KMT2C: variants seen among roughly 807,000 people sequenced by gnomAD.
KMT2C encodes histone-lysine N-methyltransferase 2C.
A neutral mutation model predicts 507.9 loss-of-function variants in KMT2C; 88 were observed. The observed-to-expected ratio is 0.17, with a 90% CI of 0.15 to 0.21. KMT2C has a LOEUF of 0.21. KMT2C is among the 10% of genes least tolerant of loss of function. The pLI, the probability that KMT2C is intolerant of heterozygous loss-of-function variation, is 1.00. For synonymous variants in KMT2C, 2,049 were observed against 2,080.8 expected, an observed-to-expected ratio of 0.98 and a Z score of 0.42; for missense variants, 4,954 against 5,957.8, an observed-to-expected ratio of 0.83 and a Z score of 5.55.
intron 6 of KMT2C, among the ~76,000 whole-genome samples, chr7:152,291,220 G>A (rs1359142258): frequency 1.3e-5 from 2 of 152,134 alleles, no homozygotes; most frequent in African/African-American, 2.4e-5. Context: ...GCAAAAAACT[G>A]CAATAAAACT....
At chr7:152,391,543 C>CTTTTTT (rs71198782) in intron 1 of KMT2C, among the ~76,000 whole-genome samples, 187 of 97,004 alleles carry the variant, frequency 1.9e-3, no homozygotes, top group Middle Eastern at 7.2e-3. Context: ...CATGCCCGGC[C>CTTTTTT]TTTTTTTTTT....
chr7:152,188,279 G>C (rs897299541), intron 31 of KMT2C, among the ~76,000 whole-genome samples: 4 of 152,008 alleles, frequency 2.6e-5, no homozygotes, highest in African/African-American at 9.7e-5. Flanking sequence ...ACTAGAAATA[G>C]CAAGTGTTCT....
At chr7:152,254,383 G>A (rs181715442) in intron 9 of KMT2C, among the ~76,000 whole-genome samples, 6 of 152,196 alleles carry the variant, frequency 3.9e-5, no homozygotes, top group Admixed American at 6.5e-5. Flanking sequence ...TAATAACTAT[G>A]CCCAGGTGGA....
At position 152,156,217 on chromosome 7, in the gene KMT2C, C is replaced by T. The variant is rs763201432; in HGVS notation, c.11800G>A (p.Val3934Met). 1.2e-6 allele frequency: 2 copies of T among 1,614,052 alleles called. No individual in the cohort carries two copies. ...EELAGKAGVL[V>M]SHEVTKTLGP... ...GCTATAATCATACCTTCATGGCTCA[C>T]TAACACTCCGGCTTTTCCAGCAAGT... The change falls in exon 45 of 59, where the codon GTG becomes ATG. Residue 3934 changes from valine (V) to methionine (M), a missense_variant. Physicochemically the swap from Val to Met is conservative, Grantham distance 21. Transcript: ENST00000262189.
chr7:152,169,083 G>A, intron 41 of KMT2C, 103 bp downstream of exon 41: 2 of 693,052 alleles, frequency 2.9e-6, no homozygotes, highest in Admixed American at 4.4e-5. Flanking sequence ...GGGCACCTGG[G>A]CTTGAACTGG....
chr7:152,352,425 C>T (rs781345919), intron 2 of KMT2C, among the ~76,000 whole-genome samples: 13 of 152,122 alleles, frequency 8.5e-5, no homozygotes, highest in Admixed American at 7.9e-4. Context: ...TTGTGAAGCA[C>T]GTGATCTCTG....
Position 152,163,241 on chromosome 7 carries a change from T to A in KMT2C, c.10336A>T (p.Thr3446Ser), listed in dbSNP as rs902827242. 1.9e-6 allele frequency: 3 copies of A among 1,614,132 alleles called. No homozygotes were observed. Among genetic ancestry groups the A allele is most frequent in the Middle Eastern group, 3.3e-4 (2 of 6,062 alleles). ...MVGSEISSSRTSVSQIPFYSS... is the reference protein window; with the variant it reads ...MVGSEISSSRSSVSQIPFYSS... ...TAGAAGGGAATCTGGGACACAGATG[T>A]CCTACTACTACTTATCTCAGAGCCC... is the stretch of plus-strand genomic sequence containing the variant. Residue 3446 changes from threonine (T) to serine (S), a missense_variant, in exon 43 of 59, where the codon ACA becomes TCA. By Grantham distance (58) the Thr-to-Ser change is moderately conservative (BLOSUM62 1). This residue lies in a region of KMT2C where 801 missense variants were observed against 751.2 expected (regional missense o/e 1.07). Coordinates refer to ENST00000262189, the MANE Select transcript of KMT2C (RefSeq NM_170606.3).
intron 6 of KMT2C, among the ~76,000 whole-genome samples, chr7:152,290,696 C>T (rs79559641): frequency 6.6e-6 from 1 of 151,620 alleles, no homozygotes; most frequent in East Asian, 1.9e-4. Context: ...GAAAAACTTG[C>T]GAAACTACCA....
At chr7:152,187,001 T>C (rs2093646926) in intron 33 of KMT2C, among the ~76,000 whole-genome samples, 2 of 152,230 alleles carry the variant, frequency 1.3e-5, no homozygotes, top group Non-Finnish European at 2.9e-5. Flanking sequence ...CACGGATTTC[T>C]GCATATTAAT....
At chr7:152,318,641 A>T (rs1482243505) in intron 3 of KMT2C, among the ~76,000 whole-genome samples, 2 of 151,346 alleles carry the variant, frequency 1.3e-5, no homozygotes, top group Non-Finnish European at 2.9e-5. Flanking sequence ...AAAAAAAAAA[A>T]AAAAAAATAG....
At chr7:152,320,916 A>T (rs1166326627) in intron 3 of KMT2C, among the ~76,000 whole-genome samples, 1 of 152,054 alleles carries the variant, frequency 6.6e-6, no homozygotes, top group Admixed American at 6.5e-5. Flanking sequence ...CAGTAAAACT[A>T]AAAATGTATA....
In KMT2C at chr7:152,412,256, C is replaced by G. The variant is rs1029483262; in HGVS notation, c.161+23370G>C. On this transcript the variant is annotated intron_variant, in intron 1 of 58. Transcript: ENST00000262189. ...TCTCTACTAAAAATCCAAAAATTAG[C>G]CGGGCATCGTGGCAGGAACCTGTAA... Among the ~76,000 whole-genome samples, 61 of 152,204 alleles carry G rather than the reference C, an allele frequency of 4.0e-4. 1 individual carries two copies. Among genetic ancestry groups the G allele is most frequent in the South Asian group, 4.1e-4 (2 of 4,834 alleles).
intron 43 of KMT2C, among the ~76,000 whole-genome samples, chr7:152,160,342 C>G (rs1241250105): frequency 6.6e-6 from 1 of 152,122 alleles, no homozygotes; most frequent in Admixed American, 6.5e-5. Context: ...CCCAGACCTG[C>G]AGAATCAGAA....
In KMT2C at chr7:152,252,611, G is replaced by C; in HGVS notation, c.1404C>G (p.Pro468=). The C allele has an allele frequency of 6.2e-7, 1 of 1,613,628 alleles. No individual in the cohort carries two copies. Among genetic ancestry groups the C allele is most frequent in the Non-Finnish European group, 8.5e-7 (1 of 1,179,676 alleles). The change falls in exon 10 of 59, where the codon CCC becomes CCG. Residue 468 remains proline, a synonymous_variant. Coordinates refer to ENST00000262189, the MANE Select transcript of KMT2C (RefSeq NM_170606.3). ...NCYQQQDNLC[P]FCGKCYHPEL... ...CTGGATGATAACACTTCCCACAGAA[G>C]GGACATAAGTTATCCTGCTGTTGGT...
At chr7:152,193,458 A>T (rs2093866930) in intron 31 of KMT2C, among the ~76,000 whole-genome samples, 1 of 152,202 alleles carries the variant, frequency 6.6e-6, no homozygotes, top group South Asian at 2.1e-4. Flanking sequence ...TGTACTGAAC[A>T]CATACTCTGT....
Position 152,194,481 on chromosome 7 carries a change from T to TCTA in KMT2C, c.4463_4465dup (p.Leu1488_Asp1489insVal). The TCTA allele has an allele frequency of 6.2e-7, 1 of 1,613,494 alleles. No individual in the cohort carries two copies. The highest frequency in any genetic ancestry group is 8.5e-7 in the Non-Finnish European group (1 of 1,179,528). On this transcript the variant is annotated inframe_insertion, in exon 29 of 59. Transcript: ENST00000262189. ...GTCTAGTTCAGGACTGAGGATCCCATCTAGCTGTTCTTCACTTAATGGTCG... is the reference window on the plus strand; with the variant it reads ...GTCTAGTTCAGGACTGAGGATCCCATCTACTAGCTGTTCTTCACTTAATGGTCG...
At chr7:152,325,497 G>C (rs2096820372) in intron 3 of KMT2C, among the ~76,000 whole-genome samples, 1 of 149,506 alleles carries the variant, frequency 6.7e-6, no homozygotes, top group Non-Finnish European at 1.5e-5. Context: ...GTCTCACTAT[G>C]TCACCCAGGC....
rs140432708 is a variant in KMT2C at position 152,181,193 on chromosome 7, C to T, written c.6667G>A (p.Ala2223Thr). 640 of 1,614,066 alleles carry T rather than the reference C, an allele frequency of 4.0e-4. 1 individual carries two copies. In the African/African-American group the frequency reaches 7.6e-3, roughly 19 times the overall value. Residue 2223 changes from alanine (A) to threonine (T), a missense_variant, in exon 36 of 59, where the codon GCA becomes ACA. Around this residue, in one of 29 missense-constraint regions of KMT2C, gnomAD observed 1,689 missense variants for 1,654.3 expected, o/e 1.02. Coordinates refer to ENST00000262189, the MANE Select transcript of KMT2C (RefSeq NM_170606.3). Reference sequence around the variant, plus strand: ...TCTGAAATCCTTGGCCTTGGTGTTGCTGGTGGCTGAGAGTAAGGGACAGAA... The same window carrying T: ...TCTGAAATCCTTGGCCTTGGTGTTGTTGGTGGCTGAGAGTAAGGGACAGAA... Reference protein sequence around the residue: ...GISVPYSQPPATPRPRISEGF... With the variant: ...GISVPYSQPPTTPRPRISEGF...
At chr7:152,429,710 G>A (rs375119290) in intron 1 of KMT2C, among the ~76,000 whole-genome samples, 1 of 151,070 alleles carries the variant, frequency 6.6e-6, no homozygotes, top group Non-Finnish European at 1.5e-5. Flanking sequence ...TGGTAGAGAC[G>A]GGGTTTCACC....
Sources: gnomAD v4.1 joint callset for allele counts (sites outside exome capture counted in the v4.1 genomes callset) on GRCh38, gnomAD v4.1.1 for gene constraint, gnomAD v4.1.1 regional missense constraint, MANE v1.5 for transcripts, NCBI Gene and HGNC (gene_info 2026-07-23, HGNC 2026-07-21) for gene names.